Variants in MEIOSIN observed in about 807,000 individuals in gnomAD.
The protein encoded by MEIOSIN is meiosis initiator.
A neutral mutation model predicts 23.4 loss-of-function variants in MEIOSIN; 18 were observed. The ratio of observed to expected loss-of-function variants is 0.77; its 90% confidence interval spans 0.53 to 1.14. MEIOSIN has a LOEUF of 1.14. Among genes scored for constraint, MEIOSIN ranks in the 50% most tolerant of loss-of-function variants. The probability of loss-of-function intolerance (pLI) is 0.00; values close to 1 mark genes in which losing one functional copy is unlikely to be tolerated. For missense variants in MEIOSIN, 428 were observed against 242.9 expected, an observed-to-expected ratio of 1.76 and a Z score of -5.07; for synonymous variants, 187 against 100.6, an observed-to-expected ratio of 1.86 and a Z score of -5.14.
chr19:45,745,809 C>G (rs1055164828), intron 4 of MEIOSIN, among the ~76,000 whole-genome samples: 1 of 152,080 alleles, frequency 6.6e-6, no homozygotes, highest in African/African-American at 2.4e-5. Context: ...TGACCTCAGG[C>G]GATCCATCCG....
At chr19:45,739,128 C>G (rs1384972606) in intron 2 of MEIOSIN, among the ~76,000 whole-genome samples, 2 of 151,940 alleles carry the variant, frequency 1.3e-5, no homozygotes. Context: ...AGCAGGTTCT[C>G]CCTTTGCTTT....
intron 11 of MEIOSIN, among the ~76,000 whole-genome samples, chr19:45,760,325 G>A (rs1002600003): frequency 3.3e-5 from 5 of 152,254 alleles, no homozygotes; most frequent in East Asian, 1.9e-4. Flanking sequence ...AGAAGTGTCC[G>A]GGCGTGGTGG....
chr19:45,745,204 C>G lies in MEIOSIN; in HGVS notation c.189C>G (p.Asn63Lys). The change falls in exon 4 of 15, where the codon AAC (asparagine) becomes AAG (lysine). Residue 63 changes from asparagine to lysine, a missense_variant. Transcript: ENST00000457052. ...LLKGKLRNQRNQNKLLSPNKK... is the reference protein window; with the variant it reads ...LLKGKLRNQRKQNKLLSPNKK... ...TGTCCCCAAACAGGAATCAGAGGAA[C>G]CAAAACAAGCTCCTGTCCCCAAACA... 1.4e-6 allele frequency: 1 copy of G among 702,798 alleles called. No individual in the cohort carries two copies. The highest frequency in any genetic ancestry group is 2.6e-6 in the Non-Finnish European group (1 of 384,960). 43.5% of individuals were successfully genotyped at this position (702,798 alleles called of 1,614,324 possible).
intron 11 of MEIOSIN, 46 bp from the exon 12 acceptor site, chr19:45,761,633 G>T: frequency 1.5e-6 from 1 of 686,398 alleles, no homozygotes. Context: ...GGATGAAGGG[G>T]CACCACTTGT....
At chr19:45,755,088 C>T (rs563519761) in intron 7 of MEIOSIN, among the ~76,000 whole-genome samples, 4 of 151,520 alleles carry the variant, frequency 2.6e-5, no homozygotes, top group South Asian at 2.1e-4. Flanking sequence ...GGAGGGAGGT[C>T]GGAGCTCGAG....
At chr19:45,763,070 C>A (rs1318684559) in intron 13 of MEIOSIN, among the ~76,000 whole-genome samples, 1 of 152,132 alleles carries the variant, frequency 6.6e-6, no homozygotes, top group African/African-American at 2.4e-5. Context: ...ATGGGGAGGC[C>A]CCCCCCAAGC....
chr19:45,760,614 GAAAAGA>G (rs1013604526), intron 11 of MEIOSIN, among the ~76,000 whole-genome samples: 1 of 150,678 alleles, frequency 6.6e-6, no homozygotes, highest in African/African-American at 2.4e-5. Flanking sequence ...CTCAAAAAAG[GAAAAGA>G]AAAAGAAAAA....
intron 7 of MEIOSIN, among the ~76,000 whole-genome samples, chr19:45,755,273 A>G (rs1968802387): frequency 6.8e-6 from 1 of 146,920 alleles, no homozygotes; most frequent in African/African-American, 2.5e-5. Context: ...CCTCAGTCTC[A>G]CGAGTAGCTG....
chr19:45,735,047 C>A (rs1315459981), intron 1 of MEIOSIN, among the ~76,000 whole-genome samples: 1 of 151,806 alleles, frequency 6.6e-6, no homozygotes, highest in Non-Finnish European at 1.5e-5. Context: ...TCGTGCACCA[C>A]CACGCCCGGC....
intron 2 of MEIOSIN, among the ~76,000 whole-genome samples, chr19:45,735,865 T>C (rs12610052): frequency 0.047 from 7,131 of 152,144 alleles, 312 homozygotes; most frequent in East Asian, 0.26. Context: ...TTTGTAAAGA[T>C]AGGGTTTTGC....
At chr19:45,760,138 C>G (rs1600391558) in intron 11 of MEIOSIN, among the ~76,000 whole-genome samples, 1 of 151,900 alleles carries the variant, frequency 6.6e-6, no homozygotes, top group South Asian at 2.1e-4. Context: ...GAAGCAGGGT[C>G]TCCTGTGGCC....
chr19:45,736,103 A>C (rs966332707), intron 2 of MEIOSIN, among the ~76,000 whole-genome samples: 7 of 152,266 alleles, frequency 4.6e-5, no homozygotes, highest in Non-Finnish European at 1.0e-4. Context: ...CAGTGGTGGC[A>C]TCATAGCTCA....
At chr19:45,745,728 GGCTAAT>G (rs1413741577) in intron 4 of MEIOSIN, among the ~76,000 whole-genome samples, 2 of 151,920 alleles carry the variant, frequency 1.3e-5, no homozygotes, top group African/African-American at 4.8e-5. Flanking sequence ...CACCACACCC[GGCTAAT>G]AGTTTTTTTG....
rs1968946750 is a variant in MEIOSIN at position 45,761,748 on chromosome 19, G to C, written c.1315G>C (p.Asp439His). The change falls in exon 12 of 15, where the codon GAC becomes CAC. Residue 439 changes from aspartate (D) to histidine (H), a missense_variant. Transcript: ENST00000457052. Reference sequence around the variant, plus strand: ...CCTGCACCGGTCCTCAGTCTCGCTGGACCACTGCTACCTCTCGCTGAGCGG... The same window carrying C: ...CCTGCACCGGTCCTCAGTCTCGCTGCACCACTGCTACCTCTCGCTGAGCGG... Reference protein sequence around the residue: ...HSLHRSSVSLDHCYLSLSGNS... With the variant: ...HSLHRSSVSLHHCYLSLSGNS... 2.8e-6 allele frequency: 2 copies of C among 702,998 alleles called. No homozygotes were observed. The highest frequency in any genetic ancestry group is 1.7e-5 in the African/African-American group (1 of 57,272). The allele number at this position is 702,998 out of a possible 1,614,324, so 43.5% of individuals were successfully genotyped here.
intron 2 of MEIOSIN, among the ~76,000 whole-genome samples, chr19:45,736,440 G>T (rs1968409388): frequency 6.6e-6 from 1 of 152,000 alleles, no homozygotes; most frequent in Admixed American, 6.6e-5. Flanking sequence ...TTGGTTCACT[G>T]CAACCTCTGC....
At chr19:45,750,856 T>C in intron 5 of MEIOSIN, 70 bp downstream of exon 5, 1 of 498,016 alleles carries the variant, frequency 2.0e-6, no homozygotes, top group African/African-American at 2.0e-5. Context: ...TCAGGGATAC[T>C]GAGTGACCCT....
intron 9 of MEIOSIN, among the ~76,000 whole-genome samples, chr19:45,757,960 T>C (rs575866102): frequency 6.6e-6 from 1 of 152,056 alleles, no homozygotes; most frequent in East Asian, 1.9e-4. Flanking sequence ...CTCAAAGTGC[T>C]GGGATTACAG....
intron 8 of MEIOSIN, 22 bp from the exon 9 acceptor site, chr19:45,757,155 T>C (rs1237017608): frequency 1.4e-6 from 1 of 702,592 alleles, no homozygotes; most frequent in African/African-American, 1.7e-5. Flanking sequence ...TGAGTCTGAC[T>C]CTGAAACTCC....
intron 4 of MEIOSIN, among the ~76,000 whole-genome samples, 166 bp downstream of exon 4, chr19:45,745,487 A>G (rs2146181462): frequency 6.6e-6 from 1 of 152,312 alleles, no homozygotes; most frequent in African/African-American, 2.4e-5. Context: ...TGATCCCATA[A>G]CTAGGTGCCT....
Sources: allele counts gnomAD v4.1 joint callset (sites outside exome capture counted in the v4.1 genomes callset), GRCh38; gene constraint gnomAD v4.1.1; transcripts MANE v1.5; gene names NCBI Gene and HGNC (gene_info 2026-07-23, HGNC 2026-07-21).